Variants in CREB5 observed in about 807,000 individuals in gnomAD.
The protein encoded by CREB5 is cyclic AMP-responsive element-binding protein 5.
Under a neutral mutation model 57.1 loss-of-function variants are expected in CREB5, and 19 were observed. The observed-to-expected ratio is 0.33, with a 90% CI of 0.23 to 0.49. CREB5 has a LOEUF of 0.49. CREB5 is among the 20% of genes least tolerant of loss of function. CREB5 has a pLI of 0.99. For synonymous variants in CREB5, 238 were observed against 238.3 expected (o/e 1.00, Z 0.01); for missense variants, 579 against 671.6 (o/e 0.86, Z 1.52).
chr7:28,804,335 A>C lies in CREB5; in HGVS notation c.839A>C (p.Gln280Pro), dbSNP rs758017680. The C allele has an allele frequency of 6.2e-7, 1 of 1,613,844 alleles. No homozygotes were observed. Among genetic ancestry groups the C allele is most frequent in the Non-Finnish European group, 8.5e-7 (1 of 1,179,880 alleles). Residue 280 changes from glutamine (Q) to proline (P), a missense_variant, in exon 8 of 11, where the codon CAG becomes CCG. Transcript: ENST00000357727. The part of the protein sequence containing the change: ...PHHHMHSHPH[Q>P]HQTLPPHHPY... ...CATCACATGCACTCGCACCCGCATC[A>C]GCACCAGACACTGCCACCCCATCAC...
At chr7:28,641,496 A>G (rs1798657567) in intron 5 of CREB5, among the ~76,000 whole-genome samples, 1 of 152,182 alleles carries the variant, frequency 6.6e-6, no homozygotes, top group Non-Finnish European at 1.5e-5. Context: ...ACGTAGCACA[A>G]GGTTCTCCTG....
intron 5 of CREB5, among the ~76,000 whole-genome samples, chr7:28,715,304 T>G (rs1802624339): frequency 6.6e-6 from 1 of 152,166 alleles, no homozygotes; most frequent in South Asian, 2.1e-4. Flanking sequence ...CATGTGACCT[T>G]GGGAAAATTT....
intron 5 of CREB5, among the ~76,000 whole-genome samples, chr7:28,619,266 A>G (rs1797705294): frequency 6.6e-6 from 1 of 152,196 alleles, no homozygotes; most frequent in African/African-American, 2.4e-5. Context: ...TCGTGGCTCC[A>G]AGGTTACACT....
chr7:28,773,031 G>GT (rs1205514105), intron 7 of CREB5, among the ~76,000 whole-genome samples: 1 of 152,126 alleles, frequency 6.6e-6, no homozygotes, highest in Admixed American at 6.5e-5. Flanking sequence ...ACAAGGCAGG[G>GT]TTTTCGAGAG....
chr7:28,814,145 G>C (rs930700421), intron 9 of CREB5, among the ~76,000 whole-genome samples: 2 of 152,162 alleles, frequency 1.3e-5, no homozygotes, highest in African/African-American at 4.8e-5. Context: ...TTGCTATCTG[G>C]TTGTTCTCTT....
intron 5 of CREB5, among the ~76,000 whole-genome samples, chr7:28,622,277 A>G (rs894653312): frequency 2.6e-5 from 4 of 151,760 alleles, no homozygotes; most frequent in Admixed American, 6.6e-5. Flanking sequence ...ACACACACAC[A>G]CACACACACA....
At chr7:28,607,669 T>C (rs1797192160) in intron 5 of CREB5, among the ~76,000 whole-genome samples, 1 of 152,082 alleles carries the variant, frequency 6.6e-6, no homozygotes, top group Non-Finnish European at 1.5e-5. Flanking sequence ...TGTCGTTTTA[T>C]CTGTTGAACC....
At chr7:28,565,661 G>T (rs1795444317) in intron 4 of CREB5, among the ~76,000 whole-genome samples, 1 of 152,172 alleles carries the variant, frequency 6.6e-6, no homozygotes, top group Non-Finnish European at 1.5e-5. Flanking sequence ...GGGTGCCGTG[G>T]TTCATGCCTG....
chr7:28,316,219 T>TGGGGGTGGAGGGTGTTGCA (rs1785376265), intron 1 of CREB5, among the ~76,000 whole-genome samples: 1 of 152,074 alleles, frequency 6.6e-6, no homozygotes, highest in Admixed American at 6.5e-5. Flanking sequence ...TGGTTTGGGC[T>TGGGGGTGGAGGGTGTTGCA]GGGGGTGGAG....
At chr7:28,669,322 G>A (rs1436582516) in intron 5 of CREB5, among the ~76,000 whole-genome samples, 2 of 152,218 alleles carry the variant, frequency 1.3e-5, no homozygotes, top group African/African-American at 4.8e-5. Flanking sequence ...ACTTTGATTT[G>A]TTAGCAATTG....
At chr7:28,429,757 C>T (rs1788642831) in intron 1 of CREB5, among the ~76,000 whole-genome samples, 1 of 152,188 alleles carries the variant, frequency 6.6e-6, no homozygotes, top group African/African-American at 2.4e-5. Context: ...TCTGTGGACA[C>T]CTTTATCTAA....
At chr7:28,343,986 T>C (rs1785986435) in intron 1 of CREB5, among the ~76,000 whole-genome samples, 1 of 152,148 alleles carries the variant, frequency 6.6e-6, no homozygotes, top group South Asian at 2.1e-4. Flanking sequence ...TACCTGTTGG[T>C]CATTTGTATG....
At chr7:28,373,660 A>G (rs1473442947) in intron 1 of CREB5, among the ~76,000 whole-genome samples, 1 of 151,806 alleles carries the variant, frequency 6.6e-6, no homozygotes. Flanking sequence ...TCCTGGGCTC[A>G]AGCAATCCAC....
chr7:28,589,379 C>G (rs1405818378), intron 5 of CREB5, among the ~76,000 whole-genome samples: 1 of 151,998 alleles, frequency 6.6e-6, no homozygotes. Flanking sequence ...ACAGTGAAAC[C>G]CCATCTCTAC....
chr7:28,396,851 C>T (rs1787346415), intron 1 of CREB5, among the ~76,000 whole-genome samples: 1 of 152,140 alleles, frequency 6.6e-6, no homozygotes, highest in Non-Finnish European at 1.5e-5. Context: ...GTCTTTCTGC[C>T]TTCATCTCCC....
intron 7 of CREB5, among the ~76,000 whole-genome samples, chr7:28,769,364 A>G (rs548465808): frequency 2.6e-5 from 4 of 152,348 alleles, no homozygotes; most frequent in African/African-American, 9.6e-5. Context: ...AACACAAAGA[A>G]ATGAATGTTT....
intron 7 of CREB5, among the ~76,000 whole-genome samples, chr7:28,789,842 AC>A (rs1197237407): frequency 3.9e-5 from 6 of 152,344 alleles, no homozygotes; most frequent in East Asian, 1.9e-4. Context: ...ATTAAAAAAA[AC>A]AAAAATAGAT....
chr7:28,360,024 G>T (rs779925605), intron 1 of CREB5, among the ~76,000 whole-genome samples: 2 of 152,164 alleles, frequency 1.3e-5, no homozygotes, highest in African/African-American at 4.8e-5. Context: ...CCACCATGAG[G>T]TATCATCTCA....
intron 4 of CREB5, among the ~76,000 whole-genome samples, chr7:28,528,753 C>T (rs1351766105): frequency 1.7e-5 from 2 of 115,688 alleles, no homozygotes; most frequent in African/African-American, 6.4e-5. Context: ...TTGTTATTAC[C>T]TTAACCAATG....
Sources: allele counts gnomAD v4.1 joint callset (sites outside exome capture counted in the v4.1 genomes callset), GRCh38; gene constraint gnomAD v4.1.1; transcripts MANE v1.5; gene names NCBI Gene and HGNC (gene_info 2026-07-23, HGNC 2026-07-21).